SLC15A2: variants seen among roughly 807,000 people sequenced by gnomAD.
SLC15A2 encodes the protein kidney H(+)/peptide cotransporter.
In SLC15A2, 77 loss-of-function variants were observed where a neutral mutation model predicts 95.5. That is an observed-to-expected ratio of 0.81 (90% CI 0.67 to 0.97). SLC15A2 has a LOEUF of 0.97. Ranked by LOEUF, SLC15A2 falls within the 50% of genes least tolerant of loss-of-function variation. The probability of loss-of-function intolerance (pLI) is 0.00; values close to 1 mark genes in which losing one functional copy is unlikely to be tolerated. For missense variants in SLC15A2, 893 were observed against 874.4 expected (o/e 1.02, Z -0.27); for synonymous variants, 306 against 306.9 (o/e 1.00, Z 0.03).
intron 19 of SLC15A2, among the ~76,000 whole-genome samples, chr3:121,938,930 G>A (rs1490336484): frequency 6.6e-6 from 1 of 152,166 alleles, no homozygotes; most frequent in East Asian, 1.9e-4. Flanking sequence ...ACCATAGCAG[G>A]CCTGGGCATA....
chr3:121,925,777 TATATAAAA>T (rs1710109323), intron 13 of SLC15A2, among the ~76,000 whole-genome samples: 2 of 35,270 alleles, frequency 5.7e-5, no homozygotes, highest in African/African-American at 2.4e-4. Context: ...TATATATATA[TATATAAAA>T]TACAACTACT....
At chr3:121,911,811 T>C (rs992860401) in intron 4 of SLC15A2, 145 bp downstream of exon 4, 37 of 637,926 alleles carry the variant, frequency 5.8e-5, no homozygotes, top group Non-Finnish European at 8.0e-5. Context: ...TTATGACCAG[T>C]TGAACTCTTT....
chr3:121,928,094 C>T (rs1417888536), intron 14 of SLC15A2, among the ~76,000 whole-genome samples: 1 of 152,188 alleles, frequency 6.6e-6, no homozygotes, highest in Non-Finnish European at 1.5e-5. Context: ...AGAGCCCTCT[C>T]CTTAGGGAAC....
At position 121,906,274 on chromosome 3, in the gene SLC15A2, G is replaced by A. The variant is rs182018464; in HGVS notation, c.336-5300G>A. On this transcript the variant is annotated intron_variant, in intron 3 of 21. Transcript: ENST00000489711. ...TGTCTCTGCACATGAGATGGTTCTCGTGAATACAGCACACTGATGGGTCTT... is the reference window on the plus strand; with the variant it reads ...TGTCTCTGCACATGAGATGGTTCTCATGAATACAGCACACTGATGGGTCTT... Among the ~76,000 whole-genome samples the A allele has an allele frequency of 1.4e-4, 21 of 152,084 alleles. 1 individual carries two copies. Among genetic ancestry groups the A allele is most frequent in the African/African-American group, 3.6e-4 (15 of 41,498 alleles).
At chr3:121,904,729 G>A (rs1173057998) in intron 3 of SLC15A2, among the ~76,000 whole-genome samples, 3 of 152,184 alleles carry the variant, frequency 2.0e-5, no homozygotes, top group Admixed American at 6.5e-5. Flanking sequence ...TAACCTTTCT[G>A]ATGTGCTGCT....
chr3:121,922,355 A>G (rs531209534), intron 8 of SLC15A2, 53 bp downstream of exon 8: 4 of 1,434,806 alleles, frequency 2.8e-6, no homozygotes, highest in African/African-American at 1.4e-5. Context: ...AAGAGATGCT[A>G]TGCTGAGAAT....
chr3:121,930,850 A>T lies in SLC15A2; in HGVS notation c.1564A>T (p.Thr522Ser). ...TATCTCTACCCTCAGGTTTGTTAACACTTTGCATAAAGATGTCAACATCTC... is the reference window on the plus strand; with the variant it reads ...TATCTCTACCCTCAGGTTTGTTAACTCTTTGCATAAAGATGTCAACATCTC... The part of the protein sequence containing the change: ...NGMTTVRFVN[T>S]LHKDVNISLS... The change falls in exon 18 of 22, where the codon ACT (threonine) becomes TCT (serine). Residue 522 changes from threonine to serine, a missense_variant. Physicochemically the swap from Thr to Ser is moderately conservative, Grantham distance 58 (BLOSUM62 1). Coordinates refer to ENST00000489711, the MANE Select transcript of SLC15A2 (RefSeq NM_021082.4). 18 of 1,609,238 alleles carry T rather than the reference A, an allele frequency of 1.1e-5. No individual in the cohort carries two copies. The highest frequency in any genetic ancestry group is 1.5e-5 in the Non-Finnish European group (18 of 1,175,680).
chr3:121,927,595 A>C (rs553344243), intron 13 of SLC15A2, 163 bp from the exon 14 acceptor site: 191 of 570,142 alleles, frequency 3.4e-4, no homozygotes, highest in Non-Finnish European at 5.6e-4. Flanking sequence ...CAGAACCATA[A>C]GCCAATTAAA....
chr3:121,935,144 T>G (rs1050825379), intron 19 of SLC15A2, among the ~76,000 whole-genome samples: 2 of 152,250 alleles, frequency 1.3e-5, no homozygotes, highest in Non-Finnish European at 2.9e-5. Context: ...AGCTTTTTGA[T>G]GTGCTGCTGG....
intron 3 of SLC15A2, among the ~76,000 whole-genome samples, chr3:121,902,466 C>T (rs560763770): frequency 1.1e-4 from 17 of 152,222 alleles, no homozygotes; most frequent in South Asian, 1.0e-3. Context: ...CCCATGAACT[C>T]GCCATTTACA....
At position 121,901,923 on chromosome 3, in the gene SLC15A2, T is replaced by C. The variant is rs139734461; in HGVS notation, c.335+4394T>C. 4.2e-3 allele frequency among the ~76,000 whole-genome samples: 632 copies of C among 152,226 alleles called. 6 individuals are homozygous for C. Among genetic ancestry groups the C allele is most frequent in the African/African-American group, 0.013 (558 of 41,540 alleles). ...GAGGGTGAAAAGCCTTCTCTAACAT[T>C]AGAAAGATTGTTCAAACCCTGAAGG... is the stretch of plus-strand genomic sequence containing the variant. On this transcript the variant is annotated intron_variant, in intron 3 of 21. Coordinates refer to ENST00000489711, the MANE Select transcript of SLC15A2 (RefSeq NM_021082.4).
chr3:121,931,024 T>A, intron 18 of SLC15A2, 74 bp downstream of exon 18: 1 of 962,354 alleles, frequency 1.0e-6, no homozygotes, highest in Non-Finnish European at 1.7e-6. Context: ...TGTATATAGG[T>A]GGGGAACTTA....
rs529115234 is a variant in SLC15A2 at position 121,940,549 on chromosome 3, C to T, written c.2013+61C>T. 169 of 1,345,196 alleles carry T rather than the reference C, an allele frequency of 1.3e-4. No individual in the cohort carries two copies. The East Asian group carries it at 1.3e-3, about 11-fold the overall frequency. The allele number at this position is 1,345,196 out of a possible 1,614,324, so 83.3% of individuals were successfully genotyped here. A position where few individuals can be genotyped will look rare whatever the true frequency, so the allele number is the denominator to read the frequency against. ...CAAGTTTTTCCTCCAGCTTTCTCTTCTCCCTTTCCCCCATCTCTCTGCTTC... is the reference window on the plus strand; with the variant it reads ...CAAGTTTTTCCTCCAGCTTTCTCTTTTCCCTTTCCCCCATCTCTCTGCTTC... On this transcript the variant is annotated intron_variant, in intron 21 of 21. Coordinates refer to ENST00000489711, the MANE Select transcript of SLC15A2 (RefSeq NM_021082.4).
intron 7 of SLC15A2, among the ~76,000 whole-genome samples, chr3:121,917,949 A>G (rs1036682187): frequency 1.5e-4 from 23 of 152,234 alleles, no homozygotes; most frequent in African/African-American, 5.1e-4. Flanking sequence ...AGAAACTGCC[A>G]GAAACCAGAT....
chr3:121,936,716 C>A (rs1393578778), intron 19 of SLC15A2, among the ~76,000 whole-genome samples: 2 of 150,604 alleles, frequency 1.3e-5, no homozygotes, highest in Non-Finnish European at 1.5e-5. Context: ...GACTCTTTAT[C>A]CAATTTGCCA....
Position 121,915,686 on chromosome 3 carries a change from T to C in SLC15A2, c.690T>C (p.Ile230=). Residue 230 remains isoleucine (I), a synonymous_variant, in exon 7 of 22, where the codon ATT becomes ATC. Coordinates refer to ENST00000489711, the MANE Select transcript of SLC15A2 (RefSeq NM_021082.4). ...AFGVPGLLMV[I]ALVVFAMGSK... is the part of the protein sequence containing the mutation. ...GAGTTCCAGGACTGCTCATGGTAAT[T>C]GCACTTGGTAAGTGCAGTGAAGCAA... 6.2e-7 allele frequency: 1 copy of C among 1,612,902 alleles called. No individual in the cohort carries two copies. The highest frequency in any genetic ancestry group is 8.5e-7 in the Non-Finnish European group (1 of 1,178,888).
At chr3:121,934,106 T>C (rs930119159) in intron 19 of SLC15A2, among the ~76,000 whole-genome samples, 4 of 152,212 alleles carry the variant, frequency 2.6e-5, no homozygotes, top group Non-Finnish European at 4.4e-5. Context: ...GGCTCTGTTC[T>C]GTTCCATTGA....
rs752940025 is a variant in SLC15A2, at chr3:121,930,958, C to T, written c.1664+8C>T. On this transcript the variant is annotated splice_region_variant and intron_variant, in intron 18 of 21. Coordinates refer to ENST00000489711, the MANE Select transcript of SLC15A2 (RefSeq NM_021082.4). ...AACTGTGCAAAGAGGAGAGTAAGTG[C>T]ATTGCCCCTGTGGACATTTTACTTT... 7 of 1,529,056 alleles carry T rather than the reference C, an allele frequency of 4.6e-6. No homozygotes were observed. In the South Asian group the frequency reaches 7.9e-5, roughly 17 times the overall value. The allele number at this position is 1,529,056 out of a possible 1,614,324, so 94.7% of individuals were successfully genotyped here.
chr3:121,894,419 T>A lies in SLC15A2; in HGVS notation c.-58T>A. ...TCTTTTCAGAGTAGGCTGGCAGCTG[T>A]CCTAACTGCCTACTAAAGCCAAATG... On this transcript the variant is annotated 5_prime_UTR_variant, in exon 1 of 22. Transcript: ENST00000489711. 2.9e-6 allele frequency: 4 copies of A among 1,371,396 alleles called. No homozygotes were observed. Among genetic ancestry groups the A allele is most frequent in the Non-Finnish European group, 4.1e-6 (4 of 973,300 alleles). 85.0% of individuals were successfully genotyped at this position (1,371,396 alleles called of 1,614,324 possible). A position where few individuals can be genotyped will look rare whatever the true frequency, so the allele number is the denominator to read the frequency against.
Sources: gnomAD v4.1 joint callset for allele counts (sites outside exome capture counted in the v4.1 genomes callset) on GRCh38, gnomAD v4.1.1 for gene constraint, MANE v1.5 for transcripts, NCBI Gene and HGNC (gene_info 2026-07-23, HGNC 2026-07-21) for gene names.